Variants in FTCDNL1 observed in about 807,000 individuals in gnomAD.
The protein encoded by FTCDNL1 is formiminotransferase cyclodeaminase N-terminal like, also known as formiminotransferase N-terminal subdomain-containing protein.
In FTCDNL1, 11 loss-of-function variants were observed where a neutral mutation model predicts 5.9. That is an observed-to-expected ratio of 1.87 (90% confidence interval 1.18 to 3.10). The LOEUF (loss-of-function observed/expected upper bound fraction) is 3.10, where lower values mean the gene tolerates loss of function less well. FTCDNL1 is among the 30% of genes most tolerant of loss of function. The pLI is 0.00. For synonymous variants in FTCDNL1, 58 were observed against 24.8 expected (o/e 2.34, Z -3.99); for missense variants, 115 against 65.5 (o/e 1.76, Z -2.61).
intron 3 of FTCDNL1, among the ~76,000 whole-genome samples, chr2:199,837,189 G>C (rs190823082): frequency 6.6e-6 from 1 of 152,200 alleles, no homozygotes; most frequent in Non-Finnish European, 1.5e-5. Flanking sequence ...TGAGCAACCC[G>C]GTAACTCTCC....
At chr2:199,760,829 T>C in exon 4 of FTCDNL1, 1 of 702,372 alleles carries the variant, frequency 1.4e-6, no homozygotes, top group Non-Finnish European at 2.6e-6. Context: ...TTGGTTGCGC[T>C]TGTCCACTGG....
At chr2:199,767,485 G>C (rs1482755107) in intron 3 of FTCDNL1, among the ~76,000 whole-genome samples, 1 of 152,188 alleles carries the variant, frequency 6.6e-6, no homozygotes, top group Non-Finnish European at 1.5e-5. Flanking sequence ...ATTAATTAAT[G>C]CCATGGTTTA....
At chr2:199,847,813 C>T (rs1467505573) in intron 2 of FTCDNL1, among the ~76,000 whole-genome samples, 2 of 152,206 alleles carry the variant, frequency 1.3e-5, no homozygotes, top group Non-Finnish European at 2.9e-5. Flanking sequence ...CCCGAGCTGG[C>T]TCTTTCCACA....
chr2:199,821,555 C>A (rs1357734656), intron 3 of FTCDNL1, among the ~76,000 whole-genome samples: 1 of 152,006 alleles, frequency 6.6e-6, no homozygotes, highest in African/African-American at 2.4e-5. Flanking sequence ...ACCTCAGCCT[C>A]CTGAGTTCAA....
At chr2:199,841,845 T>A (rs572173599) in intron 3 of FTCDNL1, among the ~76,000 whole-genome samples, 4 of 152,192 alleles carry the variant, frequency 2.6e-5, no homozygotes, top group Admixed American at 2.0e-4. Flanking sequence ...TTCTCTATCA[T>A]GCAGGCAGAG....
chr2:199,692,162 G>T, the FTCDNL1 span, among the ~76,000 whole-genome samples: 1 of 151,960 alleles, frequency 6.6e-6, no homozygotes, highest in Non-Finnish European at 1.5e-5. Context: ...ATTCTTTTAA[G>T]GCCTCAATGA....
chr2:199,702,332 C>T, the FTCDNL1 span, among the ~76,000 whole-genome samples: 1 of 152,042 alleles, frequency 6.6e-6, no homozygotes, highest in African/African-American at 2.4e-5. Flanking sequence ...AAGTCTTAAA[C>T]CAGAATTCGA....
At chr2:199,847,910 C>G (rs902480007) in intron 2 of FTCDNL1, among the ~76,000 whole-genome samples, 1 of 152,230 alleles carries the variant, frequency 6.6e-6, no homozygotes, top group Non-Finnish European at 1.5e-5. Context: ...ACATTTCTAG[C>G]TCCTGCAAAG....
chr2:199,842,247 G>A lies in FTCDNL1; in HGVS notation c.211+3828C>T, dbSNP rs769966. ...TGCACCACTGTACTCCACCCTGGGC[G>A]ACAGAGCAAGACTCCATCTCAAAAA... On this transcript the variant is annotated intron_variant, in intron 3 of 4. Coordinates refer to ENST00000420128, the MANE Select transcript of FTCDNL1 (RefSeq NM_001363886.2). 9.3e-3 allele frequency among the ~76,000 whole-genome samples: 1,417 copies of A among 152,102 alleles called. 21 individuals are homozygous for A. Among genetic ancestry groups the A allele is most frequent in the African/African-American group, 0.032 (1,329 of 41,494 alleles).
At chr2:199,751,002 C>T in the FTCDNL1 span, among the ~76,000 whole-genome samples, 1 of 152,224 alleles carries the variant, frequency 6.6e-6, no homozygotes, top group African/African-American at 2.4e-5. Flanking sequence ...GCAGCTCCTA[C>T]CTGCTTTCCA....
the FTCDNL1 span, among the ~76,000 whole-genome samples, chr2:199,739,411 C>T: frequency 1.3e-5 from 2 of 152,164 alleles, no homozygotes; most frequent in African/African-American, 4.8e-5. Flanking sequence ...GTATATTGGG[C>T]TTATCATCTA....
At chr2:199,768,050 G>C (rs895287899) in intron 3 of FTCDNL1, among the ~76,000 whole-genome samples, 1 of 152,090 alleles carries the variant, frequency 6.6e-6, no homozygotes, top group Non-Finnish European at 1.5e-5. Context: ...CCATTTCTAG[G>C]CTTGATAAGT....
the FTCDNL1 span, among the ~76,000 whole-genome samples, chr2:199,680,376 C>T: frequency 3.9e-5 from 6 of 152,250 alleles, no homozygotes; most frequent in Non-Finnish European, 7.4e-5. Flanking sequence ...CTAGAATGTT[C>T]AAGTCAGTTT....
At chr2:199,715,613 T>G in the FTCDNL1 span, among the ~76,000 whole-genome samples, 1 of 152,148 alleles carries the variant, frequency 6.6e-6, no homozygotes, top group Non-Finnish European at 1.5e-5. Flanking sequence ...TACAGCAGTA[T>G]GAAAATGGAC....
the FTCDNL1 span, among the ~76,000 whole-genome samples, chr2:199,723,653 T>A: frequency 6.6e-6 from 1 of 152,214 alleles, no homozygotes; most frequent in Non-Finnish European, 1.5e-5. Context: ...ATGTGATTTT[T>A]GTCTTCAGTT....
intron 1 of FTCDNL1, among the ~76,000 whole-genome samples, chr2:199,849,183 G>A (rs535467668): frequency 5.3e-5 from 8 of 152,282 alleles, no homozygotes; most frequent in East Asian, 1.9e-4. Context: ...ACCTTGTAAC[G>A]ACACTGGAAA....
chr2:199,769,030 C>T (rs887530512), intron 3 of FTCDNL1, among the ~76,000 whole-genome samples: 2 of 152,068 alleles, frequency 1.3e-5, no homozygotes, highest in East Asian at 1.9e-4. Flanking sequence ...TGCTCAGGGG[C>T]GGAACATGTG....
At chr2:199,724,302 T>C in the FTCDNL1 span, among the ~76,000 whole-genome samples, 1 of 152,102 alleles carries the variant, frequency 6.6e-6, no homozygotes, top group Non-Finnish European at 1.5e-5. Context: ...TAGTTAGTGG[T>C]CTATATATTT....
At chr2:199,768,860 G>A (rs1698668247) in intron 3 of FTCDNL1, among the ~76,000 whole-genome samples, 1 of 152,114 alleles carries the variant, frequency 6.6e-6, no homozygotes, top group Non-Finnish European at 1.5e-5. Flanking sequence ...GAAGAGAGGA[G>A]CTATTTAAGT....
Sources: allele counts gnomAD v4.1 joint callset (sites outside exome capture counted in the v4.1 genomes callset), GRCh38; gene constraint gnomAD v4.1.1; transcripts MANE v1.5; gene names NCBI Gene and HGNC (gene_info 2026-07-23, HGNC 2026-07-21).